Variants in HPSE2 observed in about 807,000 individuals in gnomAD.
HPSE2 encodes the protein inactive heparanase-2.
A neutral mutation model predicts 60.5 loss-of-function variants in HPSE2; 38 were observed. The observed-to-expected ratio is 0.63, with a 90% CI of 0.48 to 0.82. The LOEUF is 0.82. Among genes scored for constraint, HPSE2 ranks in the 40% least tolerant of loss-of-function variants. The pLI, the probability that HPSE2 is intolerant of heterozygous loss-of-function variation, is 0.00. For missense variants in HPSE2, 713 were observed against 740.4 expected, an observed-to-expected ratio of 0.96 and a Z score of 0.43; for synonymous variants, 295 against 293.2, an observed-to-expected ratio of 1.01 and a Z score of -0.06.
intron 3 of HPSE2, among the ~76,000 whole-genome samples, chr10:99,120,705 C>T (rs1372456348): frequency 1.3e-5 from 2 of 152,166 alleles, no homozygotes; most frequent in Admixed American, 6.5e-5. Flanking sequence ...ATCTCTTGAC[C>T]TCATGATCCA....
intron 2 of HPSE2, among the ~76,000 whole-genome samples, chr10:99,155,793 C>CA (rs1398179446): frequency 3.4e-5 from 5 of 146,700 alleles, no homozygotes; most frequent in Non-Finnish European, 6.0e-5. Context: ...AAAAACCCTT[C>CA]AAAAAATTAA....
chr10:98,591,126 CAA>C (rs5787292), intron 9 of HPSE2, among the ~76,000 whole-genome samples: 1 of 151,040 alleles, frequency 6.6e-6, no homozygotes, highest in Non-Finnish European at 1.5e-5. Context: ...AAATAGGGAT[CAA>C]AAAAAAAGAA....
At chr10:99,224,420 GAC>G (rs34148639) in intron 2 of HPSE2, among the ~76,000 whole-genome samples, 42,713 of 142,908 alleles carry the variant, frequency 0.3, 6,754 homozygotes, top group African/African-American at 0.45. Flanking sequence ...CTTTCTCTCT[GAC>G]ACACACACAC....
At chr10:99,051,663 G>A (rs1957994260) in intron 3 of HPSE2, among the ~76,000 whole-genome samples, 2 of 152,178 alleles carry the variant, frequency 1.3e-5, no homozygotes, top group African/African-American at 4.8e-5. Flanking sequence ...AGCAACAGTT[G>A]GAAAGCTGAA....
intron 3 of HPSE2, among the ~76,000 whole-genome samples, chr10:98,840,339 C>T (rs1055904915): frequency 2.6e-5 from 4 of 152,062 alleles, no homozygotes; most frequent in Admixed American, 6.5e-5. Flanking sequence ...GGACTCCATC[C>T]GTAGATGTTA....
chr10:98,491,410 T>C lies in HPSE2; in HGVS notation c.1321-1214A>G, dbSNP rs1187785974. Among the ~76,000 whole-genome samples, 13 of 152,274 alleles carry C rather than the reference T, an allele frequency of 8.5e-5. No individual in the cohort carries two copies. The East Asian group carries it at 2.5e-3, about 29-fold the overall frequency. On this transcript the variant is annotated intron_variant, in intron 9 of 11. Transcript: ENST00000370552. Reference sequence around the variant, plus strand: ...AGGATGGCTGTTAAATATGGTCTCCTAATATTAAAAAAGGCAAATAATCAT... The same window carrying C: ...AGGATGGCTGTTAAATATGGTCTCCCAATATTAAAAAAGGCAAATAATCAT...
At chr10:98,696,299 A>C (rs796743687) in intron 5 of HPSE2, among the ~76,000 whole-genome samples, 4 of 143,362 alleles carry the variant, frequency 2.8e-5, no homozygotes, top group African/African-American at 8.2e-5. Context: ...CCATAAAAAA[A>C]AAAAAAAAAA....
intron 2 of HPSE2, among the ~76,000 whole-genome samples, chr10:99,220,349 A>G (rs1849267166): frequency 6.6e-6 from 1 of 152,180 alleles, no homozygotes; most frequent in African/African-American, 2.4e-5. Context: ...CCACTGAAAA[A>G]CACACCATAA....
chr10:98,507,532 G>A (rs977885684), intron 9 of HPSE2, among the ~76,000 whole-genome samples: 7 of 152,004 alleles, frequency 4.6e-5, no homozygotes, highest in Non-Finnish European at 1.0e-4. Context: ...GGCTGATAGT[G>A]GGTTGAAAGC....
the HPSE2 span, among the ~76,000 whole-genome samples, chr10:99,245,197 A>G: frequency 6.6e-6 from 1 of 152,184 alleles, no homozygotes; most frequent in South Asian, 2.1e-4. Context: ...GTGCAAGCCT[A>G]GGTCAGGGAT....
chr10:98,550,811 G>T (rs1367128955), intron 9 of HPSE2, among the ~76,000 whole-genome samples: 2 of 151,848 alleles, frequency 1.3e-5, no homozygotes, highest in African/African-American at 4.8e-5. Flanking sequence ...GTCTTGCTTT[G>T]TTGCCCAGGC....
chr10:98,702,983 C>A (rs1285902074), intron 5 of HPSE2, among the ~76,000 whole-genome samples: 2 of 151,716 alleles, frequency 1.3e-5, no homozygotes, highest in African/African-American at 2.4e-5. Context: ...AGAAAAAAAA[C>A]AATGAATCCA....
chr10:98,588,732 T>C (rs1294989248), intron 9 of HPSE2, among the ~76,000 whole-genome samples: 1 of 150,842 alleles, frequency 6.6e-6, no homozygotes, highest in Non-Finnish European at 1.5e-5. Context: ...AACACCAGTG[T>C]AGTGCACCAA....
At chr10:99,043,494 A>AAAAC (rs779070604) in intron 3 of HPSE2, among the ~76,000 whole-genome samples, 6 of 152,114 alleles carry the variant, frequency 3.9e-5, no homozygotes, top group Non-Finnish European at 5.9e-5. Context: ...CCATCTCATA[A>AAAAC]AAACAAACAA....
intron 3 of HPSE2, among the ~76,000 whole-genome samples, chr10:98,969,457 G>A (rs908741212): frequency 1.3e-5 from 2 of 152,176 alleles, no homozygotes; most frequent in African/African-American, 2.4e-5. Flanking sequence ...CTTCCCCTAC[G>A]CAATAGGAAA....
rs1206862786 is a variant in HPSE2, at chr10:98,595,028, G to A, written c.1320+19876C>T. Among the ~76,000 whole-genome samples, 7 of 152,076 alleles carry A rather than the reference G, an allele frequency of 4.6e-5. No homozygotes were observed. The East Asian group carries it at 9.7e-4, about 21-fold the overall frequency. On this transcript the variant is annotated intron_variant, in intron 9 of 11. Coordinates refer to ENST00000370552, the MANE Select transcript of HPSE2 (RefSeq NM_021828.5). ...TGAACATGTAATTCTTCCAATCCAT[G>A]AACACAAGAGATCTTTCCATTTATT... is the stretch of plus-strand genomic sequence containing the variant.
At chr10:98,586,800 G>A (rs1037256612) in intron 9 of HPSE2, among the ~76,000 whole-genome samples, 9 of 152,162 alleles carry the variant, frequency 5.9e-5, no homozygotes, top group African/African-American at 2.2e-4. Context: ...ACTCACAGTC[G>A]GATACCTAGA....
intron 3 of HPSE2, among the ~76,000 whole-genome samples, chr10:99,040,871 G>T (rs1386973633): frequency 1.3e-5 from 2 of 152,140 alleles, no homozygotes. Flanking sequence ...CGGATCACAA[G>T]ATCAGGAGAT....
intron 3 of HPSE2, among the ~76,000 whole-genome samples, chr10:98,888,709 A>G (rs914921169): frequency 6.6e-6 from 1 of 152,348 alleles, no homozygotes; most frequent in African/African-American, 2.4e-5. Flanking sequence ...TAATTCATTT[A>G]TATATCAAAA....
Sources: allele counts gnomAD v4.1 joint callset (sites outside exome capture counted in the v4.1 genomes callset), GRCh38; gene constraint gnomAD v4.1.1; transcripts MANE v1.5; gene names NCBI Gene and HGNC (gene_info 2026-07-23, HGNC 2026-07-21).